Variants in MSRB2 observed in about 807,000 individuals in gnomAD.
MSRB2 encodes the protein methionine sulfoxide reductase B2.
Under a neutral mutation model 19.0 loss-of-function variants are expected in MSRB2, and 17 were observed. The observed-to-expected ratio is 0.89, with a 90% CI of 0.61 to 1.34. The LOEUF (loss-of-function observed/expected upper bound fraction) is 1.34, where lower values mean the gene tolerates loss of function less well. Ranked by LOEUF, MSRB2 falls within the 40% of genes most tolerant of loss-of-function variation. The probability of loss-of-function intolerance (pLI) is 0.00; values close to 1 mark genes in which losing one functional copy is unlikely to be tolerated. For synonymous variants in MSRB2, 107 were observed against 99.7 expected (o/e 1.07, Z -0.44); for missense variants, 208 against 237.6 (o/e 0.88, Z 0.82).
chr10:23,112,273 A>G (rs1315977743), intron 3 of MSRB2, among the ~76,000 whole-genome samples: 1 of 152,206 alleles, frequency 6.6e-6, no homozygotes, highest in African/African-American at 2.4e-5. Flanking sequence ...GAAGGAAATA[A>G]TATATTCCTG....
chr10:23,120,773 G>A lies in MSRB2; in HGVS notation c.460G>A (p.Gly154Ser), dbSNP rs1462264206. 7 of 1,613,882 alleles carry A rather than the reference G, an allele frequency of 4.3e-6. No individual in the cohort carries two copies. The highest frequency in any genetic ancestry group is 4.0e-5 in the African/African-American group (3 of 74,886). The change falls in exon 5 of 5, where the codon GGT becomes AGT. Residue 154 changes from glycine to serine, a missense_variant. Physicochemically the swap from Gly to Ser is moderately conservative, Grantham distance 56 (BLOSUM62 0). Coordinates refer to ENST00000376510, the MANE Select transcript of MSRB2 (RefSeq NM_012228.4). ...TCCTTTGCAGTGTGAAGCTCATCTA[G>A]GTCACGTGTTTCCTGATGGACCTGG... ...VVCKQCEAHL[G>S]HVFPDGPGPN...
In MSRB2 at chr10:23,120,895, C is replaced by T; in HGVS notation, c.*33C>T. The T allele has an allele frequency of 1.3e-6, 2 of 1,503,248 alleles. No individual in the cohort carries two copies. Among genetic ancestry groups the T allele is most frequent in the Non-Finnish European group, 1.8e-6 (2 of 1,083,656 alleles). 93.1% of individuals were successfully genotyped at this position (1,503,248 alleles called of 1,614,324 possible). A position where few individuals can be genotyped will look rare whatever the true frequency, so the allele number is the denominator to read the frequency against. On this transcript the variant is annotated 3_prime_UTR_variant, in exon 5 of 5. Transcript: ENST00000376510. The stretch of plus-strand genomic sequence containing the variant: ...CAAGAGTCCCGTTCCCTTGCCACCC[C>T]TTCACGTGCACCCTCAATTTCCACA...
chr10:23,117,289 C>G (rs1840121729), intron 3 of MSRB2, among the ~76,000 whole-genome samples: 1 of 152,122 alleles, frequency 6.6e-6, no homozygotes, highest in South Asian at 2.1e-4. Flanking sequence ...CCAGAGATTC[C>G]TGGGGGGGAC....
chr10:23,120,983 C>T lies in MSRB2; in HGVS notation c.*121C>T, dbSNP rs749429910. On this transcript the variant is annotated 3_prime_UTR_variant, in exon 5 of 5. Transcript: ENST00000376510. ...GGGCTGAATTTGCTGCTGTCTCCAG[C>T]GAGTCATTGCTTCTCTTAATTTATT... 1.0e-5 allele frequency: 7 copies of T among 683,560 alleles called. No individual in the cohort carries two copies. Among genetic ancestry groups the T allele is most frequent in the South Asian group, 1.9e-5 (1 of 53,228 alleles). The allele number at this position is 683,560 out of a possible 1,614,324, so 42.3% of individuals were successfully genotyped here.
rs1163995832 is a variant in MSRB2 at position 23,120,898 on chromosome 10, C to T, written c.*36C>T. The T allele has an allele frequency of 6.8e-6, 10 of 1,474,270 alleles. No individual in the cohort carries two copies. Among genetic ancestry groups the T allele is most frequent in the Non-Finnish European group, 9.4e-6 (10 of 1,059,914 alleles). 91.3% of individuals were successfully genotyped at this position (1,474,270 alleles called of 1,614,324 possible). On this transcript the variant is annotated 3_prime_UTR_variant, in exon 5 of 5. Coordinates refer to ENST00000376510, the MANE Select transcript of MSRB2 (RefSeq NM_012228.4). ...GAGTCCCGTTCCCTTGCCACCCCTT[C>T]ACGTGCACCCTCAATTTCCACAATT... is the stretch of plus-strand genomic sequence containing the variant.
At chr10:23,119,983 G>A (rs1564432485) in intron 4 of MSRB2, among the ~76,000 whole-genome samples, 1 of 152,230 alleles carries the variant, frequency 6.6e-6, no homozygotes, top group Non-Finnish European at 1.5e-5. Context: ...GTCTTCTCCA[G>A]CCTCTCTCTA....
At chr10:23,118,337 G>GTT (rs35011086) in intron 3 of MSRB2, among the ~76,000 whole-genome samples, 2,307 of 92,162 alleles carry the variant, frequency 0.025, 97 homozygotes, top group Admixed American at 0.043. Context: ...TTAGTTTTTT[G>GTT]TTTTTTTTTT....
At chr10:23,099,782 C>G (rs1423451073) in intron 1 of MSRB2, among the ~76,000 whole-genome samples, 6 of 152,236 alleles carry the variant, frequency 3.9e-5, no homozygotes, top group African/African-American at 1.4e-4. Context: ...CAGATAGTCA[C>G]TCTCTAATAC....
intron 1 of MSRB2, among the ~76,000 whole-genome samples, chr10:23,100,554 A>T (rs961456845): frequency 1.3e-5 from 2 of 152,190 alleles, no homozygotes; most frequent in Non-Finnish European, 2.9e-5. Context: ...GGAAACTTAC[A>T]ATCATGATGT....
rs1254157451 is a variant in MSRB2, at chr10:23,120,797, G to A, written c.484G>A (p.Gly162Arg). The A allele has an allele frequency of 6.2e-7, 1 of 1,614,126 alleles. No individual in the cohort carries two copies. Among genetic ancestry groups the A allele is most frequent in the East Asian group, 2.2e-5 (1 of 44,870 alleles). ...AGGTCACGTGTTTCCTGATGGACCT[G>A]GGCCCAATGGTCAGAGGTTTTGCAT... ...HLGHVFPDGP[G>R]PNGQRFCINS... Residue 162 changes from glycine to arginine, a missense_variant, in exon 5 of 5, where the codon GGG becomes AGG. By Grantham distance (125) the Gly-to-Arg change is moderately radical. Coordinates refer to ENST00000376510, the MANE Select transcript of MSRB2 (RefSeq NM_012228.4).
intron 1 of MSRB2, among the ~76,000 whole-genome samples, chr10:23,099,448 T>C (rs530961537): frequency 6.6e-6 from 1 of 152,342 alleles, no homozygotes; most frequent in African/African-American, 2.4e-5. Context: ...AGGTCCACAT[T>C]GATAAGGATT....
At chr10:23,113,208 T>A (rs1419442837) in intron 3 of MSRB2, among the ~76,000 whole-genome samples, 1 of 152,186 alleles carries the variant, frequency 6.6e-6, no homozygotes, top group East Asian at 1.9e-4. Context: ...TTTTAACAAG[T>A]AAATGCAGGG....
Position 23,121,125 on chromosome 10 carries a change from A to T in MSRB2, c.*263A>T. On this transcript the variant is annotated 3_prime_UTR_variant, in exon 5 of 5. Transcript: ENST00000376510. ...AAGAAAAACTAGAAAAATAAACAAAATTAAAAAGAAAAAAAAATACCTGAG... is the reference window on the plus strand; with the variant it reads ...AAGAAAAACTAGAAAAATAAACAAATTTAAAAAGAAAAAAAAATACCTGAG... 1 of 402,462 alleles carries T rather than the reference A, an allele frequency of 2.5e-6. No individual in the cohort carries two copies. Among genetic ancestry groups the T allele is most frequent in the Non-Finnish European group, 4.4e-6 (1 of 227,284 alleles). The allele number at this position is 402,462 out of a possible 1,614,324, so 24.9% of individuals were successfully genotyped here.
Position 23,095,585 on chromosome 10 carries a change from C to T in MSRB2, c.-24C>T, listed in dbSNP as rs775922920. ...GCAGAGACGGGCAGAGGGCAGAGGG[C>T]GGAGCGGCGCCGGAGCGGGCGTCAT... On this transcript the variant is annotated 5_prime_UTR_variant, in exon 1 of 5. Transcript: ENST00000376510. The T allele has an allele frequency of 2.3e-5, 34 of 1,464,216 alleles. No homozygotes were observed. The highest frequency in any genetic ancestry group is 2.4e-4 in the Middle Eastern group (1 of 4,236). 90.7% of individuals were successfully genotyped at this position (1,464,216 alleles called of 1,614,324 possible). A position where few individuals can be genotyped will look rare whatever the true frequency, so the allele number is the denominator to read the frequency against.
chr10:23,099,536 T>G (rs899813475), intron 1 of MSRB2, among the ~76,000 whole-genome samples: 3 of 152,236 alleles, frequency 2.0e-5, no homozygotes, highest in Admixed American at 2.0e-4. Context: ...ATTTAAATAC[T>G]AGTTATATAT....
At chr10:23,095,836 T>A (rs1839855728) in intron 1 of MSRB2, 110 bp downstream of exon 1, 2 of 645,880 alleles carry the variant, frequency 3.1e-6, no homozygotes, top group African/African-American at 2.0e-5. Context: ...GCCCTCCTAC[T>A]AAGCCCTCCT....
intron 4 of MSRB2, 109 bp from the exon 5 acceptor site, chr10:23,120,649 C>A: frequency 1.5e-6 from 1 of 671,330 alleles, no homozygotes; most frequent in Non-Finnish European, 2.5e-6. Context: ...TCTCCTAACA[C>A]AGATGTCAGA....
intron 3 of MSRB2, among the ~76,000 whole-genome samples, chr10:23,116,179 T>C (rs192048806): frequency 1.2e-4 from 18 of 151,884 alleles, no homozygotes; most frequent in Non-Finnish European, 2.5e-4. Flanking sequence ...ACACAGAAAG[T>C]GAGGTGATAA....
intron 1 of MSRB2, among the ~76,000 whole-genome samples, chr10:23,103,451 C>T (rs141411996): frequency 6.6e-6 from 1 of 152,058 alleles, no homozygotes; most frequent in African/African-American, 2.4e-5. Context: ...CTCCCTTTGG[C>T]TAAAGAGAGT....
Sources: gnomAD v4.1 joint callset for allele counts (sites outside exome capture counted in the v4.1 genomes callset) on GRCh38, gnomAD v4.1.1 for gene constraint, MANE v1.5 for transcripts, NCBI Gene and HGNC (gene_info 2026-07-23, HGNC 2026-07-21) for gene names.